Variants in ST8SIA6 observed in about 807,000 individuals in gnomAD.
The protein encoded by ST8SIA6 is ST8 alpha-N-acetyl-neuraminide alpha-2,8-sialyltransferase 6.
A neutral mutation model predicts 33.6 loss-of-function variants in ST8SIA6; 39 were observed. The observed-to-expected ratio is 1.16, with a 90% CI of 0.90 to 1.52. The LOEUF (loss-of-function observed/expected upper bound fraction) is 1.52, where lower values mean the gene tolerates loss of function less well. ST8SIA6 is among the 40% of genes most tolerant of loss of function. The pLI is 0.00. For synonymous variants in ST8SIA6, 172 were observed against 167.2 expected (o/e 1.03, Z -0.22); for missense variants, 441 against 443.8 (o/e 0.99, Z 0.06).
At chr10:17,387,458 G>C (rs915562656) in intron 3 of ST8SIA6, among the ~76,000 whole-genome samples, 7 of 136,782 alleles carry the variant, frequency 5.1e-5, no homozygotes, top group South Asian at 2.8e-4. Flanking sequence ...GGGGGGGGGG[G>C]GGTTCTCCAT....
At chr10:17,364,697 A>AAGG (rs2131623977) in intron 3 of ST8SIA6, among the ~76,000 whole-genome samples, 1 of 152,340 alleles carries the variant, frequency 6.6e-6, no homozygotes, top group South Asian at 2.1e-4. Context: ...ACCAAAAATC[A>AAGG]TTTGAGGAGG....
chr10:17,405,383 A>G lies in ST8SIA6; in HGVS notation c.201-14763T>C, dbSNP rs1186943573. ...CTGTCTAAAAAATAAAAAATAAAAT[A>G]AATATTTAAAAAGTGATCATTTTCG... is the stretch of plus-strand genomic sequence containing the variant. On this transcript the variant is annotated intron_variant, in intron 2 of 7. Transcript: ENST00000377602. Among the ~76,000 whole-genome samples the G allele has an allele frequency of 1.8e-4, 28 of 151,740 alleles. 2 individuals are homozygous for G. Among genetic ancestry groups the G allele is most frequent in the Admixed American group, 1.8e-3 (27 of 15,190 alleles).
chr10:17,337,422 C>T (rs1019352603), intron 4 of ST8SIA6, among the ~76,000 whole-genome samples: 2 of 152,112 alleles, frequency 1.3e-5, no homozygotes, highest in Non-Finnish European at 2.9e-5. Context: ...TTAGCCATCC[C>T]CCTTGCAACT....
chr10:17,370,933 TA>T (rs1414949052), intron 3 of ST8SIA6, among the ~76,000 whole-genome samples: 1 of 152,132 alleles, frequency 6.6e-6, no homozygotes, highest in African/African-American at 2.4e-5. Context: ...AAATAGTCCT[TA>T]AGAGAGCAAG....
At chr10:17,398,996 G>A (rs1412945533) in intron 2 of ST8SIA6, 1 of 152,166 alleles carries the variant, frequency 6.6e-6, no homozygotes. Flanking sequence ...GTAGTCTACT[G>A]CATGGTTTGA....
chr10:17,410,230 A>G (rs1389977847), intron 2 of ST8SIA6: 4 of 152,248 alleles, frequency 2.6e-5, no homozygotes, highest in African/African-American at 4.8e-5. Flanking sequence ...AAACATTTGC[A>G]TGCACCTTAA....
chr10:17,363,016 T>C (rs959816548), intron 3 of ST8SIA6, among the ~76,000 whole-genome samples: 1 of 152,142 alleles, frequency 6.6e-6, no homozygotes, highest in African/African-American at 2.4e-5. Flanking sequence ...GGCCTGGAAA[T>C]GCATGTTTAA....
chr10:17,335,996 C>G (rs1048156998), intron 4 of ST8SIA6, among the ~76,000 whole-genome samples: 1 of 151,730 alleles, frequency 6.6e-6, no homozygotes, highest in Non-Finnish European at 1.5e-5. Context: ...CACTGTGTTG[C>G]CCTGGCTGGA....
intron 2 of ST8SIA6, among the ~76,000 whole-genome samples, chr10:17,428,217 A>G (rs893276574): frequency 9.2e-5 from 14 of 152,154 alleles, no homozygotes; most frequent in Admixed American, 5.9e-4. Context: ...AGCAGATAAT[A>G]TGTGCCAAGC....
rs1485318895 is a variant in ST8SIA6, at chr10:17,318,591, G to C, written c.*2287C>G. 2.3e-6 allele frequency: 1 copy of C among 444,016 alleles called. No homozygotes were observed. Among genetic ancestry groups the C allele is most frequent in the Admixed American group, 2.6e-5 (1 of 37,900 alleles). The allele number at this position is 444,016 out of a possible 1,614,324, so 27.5% of individuals were successfully genotyped here. ...GCCCTTAGATGTACTTGAGTTTTAA[G>C]AGCAGAAGATCACATTAGATCTAAC... On this transcript the variant is annotated 3_prime_UTR_variant, in exon 8 of 8. Transcript: ENST00000377602.
chr10:17,447,968 T>A (rs1852779966), intron 2 of ST8SIA6, among the ~76,000 whole-genome samples: 1 of 151,946 alleles, frequency 6.6e-6, no homozygotes, highest in African/African-American at 2.4e-5. Context: ...TCTGGCTAAT[T>A]TTTGTATTTT....
chr10:17,364,495 T>C (rs569919157), intron 3 of ST8SIA6, among the ~76,000 whole-genome samples: 1 of 152,302 alleles, frequency 6.6e-6, no homozygotes, highest in East Asian at 1.9e-4. Context: ...AAAATCATTT[T>C]TATGTCCAAT....
intron 2 of ST8SIA6, among the ~76,000 whole-genome samples, chr10:17,431,683 T>C (rs1240434692): frequency 1.3e-5 from 2 of 151,314 alleles, no homozygotes; most frequent in African/African-American, 4.9e-5. Context: ...TTACTAACTG[T>C]GTGACCTTAG....
intron 7 of ST8SIA6, 120 bp from the exon 8 acceptor site, chr10:17,321,466 A>C: frequency 1.3e-6 from 1 of 767,924 alleles, no homozygotes; most frequent in Non-Finnish European, 2.0e-6. Context: ...TACTGTATAT[A>C]AAACAGATAA....
intron 4 of ST8SIA6, among the ~76,000 whole-genome samples, chr10:17,334,055 C>T (rs113883624): frequency 0.016 from 2,417 of 150,906 alleles, 26 homozygotes; most frequent in Non-Finnish European, 0.022. Flanking sequence ...TCTAACTGGC[C>T]CTGGATTGTA....
intron 2 of ST8SIA6, among the ~76,000 whole-genome samples, 183 bp from the exon 3 acceptor site, chr10:17,390,803 A>AAAAAC (rs1033406535): frequency 7.3e-5 from 11 of 151,600 alleles, no homozygotes; most frequent in South Asian, 4.2e-4. Flanking sequence ...CTAAATGAAA[A>AAAAAC]AAAAAACAAA....
intron 2 of ST8SIA6, among the ~76,000 whole-genome samples, chr10:17,432,157 G>C (rs1852121228): frequency 6.6e-6 from 1 of 152,198 alleles, no homozygotes; most frequent in South Asian, 2.1e-4. Context: ...CATGCAGCTG[G>C]AACACAGTGA....
intron 7 of ST8SIA6, among the ~76,000 whole-genome samples, chr10:17,321,678 CA>C (rs1381966474): frequency 3.3e-5 from 5 of 152,204 alleles, no homozygotes; most frequent in Admixed American, 2.6e-4. Flanking sequence ...AAACACCTTC[CA>C]AATGTATAAT....
In ST8SIA6 at chr10:17,454,407, G is replaced by C. The variant is rs1341056064; in HGVS notation, c.-152C>G. Reference sequence around the variant, plus strand: ...TCACAGGCGGCAGCGAGGGGCGCCCGCAGCCCACCCGGCAGAGTCTCCGCG... The same window carrying C: ...TCACAGGCGGCAGCGAGGGGCGCCCCCAGCCCACCCGGCAGAGTCTCCGCG... On this transcript the variant is annotated 5_prime_UTR_variant, in exon 1 of 8. Coordinates refer to ENST00000377602, the MANE Select transcript of ST8SIA6 (RefSeq NM_001004470.3). The surrounding 1 kb of genome is among the most constrained non-coding windows in gnomAD (Gnocchi z 4.1). 1 of 158,692 alleles carries C rather than the reference G, an allele frequency of 6.3e-6. No individual in the cohort carries two copies. The highest frequency in any genetic ancestry group is 1.4e-5 in the Non-Finnish European group (1 of 72,540). 9.8% of individuals were successfully genotyped at this position (158,692 alleles called of 1,614,324 possible). A position where few individuals can be genotyped will look rare whatever the true frequency, so the allele number is the denominator to read the frequency against.
Sources: gnomAD v4.1 joint callset for allele counts (sites outside exome capture counted in the v4.1 genomes callset) on GRCh38, gnomAD v4.1.1 for gene constraint, Gnocchi (gnomAD v3.1) non-coding constraint, MANE v1.5 for transcripts, NCBI Gene and HGNC (gene_info 2026-07-23, HGNC 2026-07-21) for gene names.